Variants in ESRRG observed in about 807,000 individuals in gnomAD.
The protein encoded by ESRRG is estrogen-related receptor gamma.
In ESRRG, 13 loss-of-function variants were observed where a neutral mutation model predicts 44.0. The observed-to-expected ratio is 0.30, with a 90% CI of 0.19 to 0.47. The LOEUF (loss-of-function observed/expected upper bound fraction) is 0.47, where lower values mean the gene tolerates loss of function less well. Ranked by LOEUF, ESRRG falls within the 20% of genes least tolerant of loss-of-function variation. The probability of loss-of-function intolerance (pLI) is 1.00; values close to 1 mark genes in which losing one functional copy is unlikely to be tolerated. For missense variants in ESRRG, 395 were observed against 580.6 expected (o/e 0.68, Z 3.29); for synonymous variants, 215 against 214.6 (o/e 1.00, Z -0.02).
chr1:216,583,149 C>T (rs1284658246), intron 3 of ESRRG, among the ~76,000 whole-genome samples: 3 of 152,164 alleles, frequency 2.0e-5, no homozygotes, highest in Non-Finnish European at 2.9e-5. Flanking sequence ...TGCCAAATAG[C>T]ACATTACATA....
At chr1:216,650,561 A>G (rs2068689483) in intron 3 of ESRRG, among the ~76,000 whole-genome samples, 1 of 152,202 alleles carries the variant, frequency 6.6e-6, no homozygotes, top group African/African-American at 2.4e-5. Flanking sequence ...TCTAAAAGAT[A>G]AGGTTGGGAA....
At chr1:216,932,339 T>A (rs1578304638) in intron 2 of ESRRG, among the ~76,000 whole-genome samples, 1 of 152,006 alleles carries the variant, frequency 6.6e-6, no homozygotes, top group East Asian at 1.9e-4. Context: ...GAAAAAAAAA[T>A]TGGCAAGGCA....
intron 2 of ESRRG, among the ~76,000 whole-genome samples, chr1:216,909,004 T>C (rs890677482): frequency 2.0e-5 from 3 of 152,006 alleles, no homozygotes; most frequent in Non-Finnish European, 4.4e-5. Context: ...TTGCTACTGG[T>C]CATTTCAGGC....
chr1:216,543,814 A>C (rs569415704), intron 5 of ESRRG, among the ~76,000 whole-genome samples: 1 of 152,182 alleles, frequency 6.6e-6, no homozygotes, highest in East Asian at 1.9e-4. Flanking sequence ...TTTAAGAGAT[A>C]GTTCAGTTAA....
chr1:216,823,110 T>A (rs536765082), intron 2 of ESRRG, among the ~76,000 whole-genome samples: 25 of 151,930 alleles, frequency 1.6e-4, no homozygotes, highest in African/African-American at 5.8e-4. Flanking sequence ...GATGAGAACC[T>A]TCGACTAACA....
At chr1:217,055,822 C>T (rs927310005) in intron 1 of ESRRG, among the ~76,000 whole-genome samples, 5 of 152,182 alleles carry the variant, frequency 3.3e-5, no homozygotes, top group Non-Finnish European at 5.9e-5. Flanking sequence ...CATCCACTGT[C>T]CTCTTCCCCA....
intron 3 of ESRRG, among the ~76,000 whole-genome samples, chr1:216,630,416 T>C (rs1445483771): frequency 6.7e-6 from 1 of 150,018 alleles, no homozygotes; most frequent in East Asian, 2.0e-4. Flanking sequence ...TTAGTAAGAC[T>C]AACACATGTG....
chr1:216,996,472 G>A (rs2076392363), intron 1 of ESRRG, among the ~76,000 whole-genome samples: 1 of 151,848 alleles, frequency 6.6e-6, no homozygotes, highest in Admixed American at 6.6e-5. Flanking sequence ...GCAAAAAGAA[G>A]GAAAGGGAGA....
chr1:217,119,665 G>C (rs1322987015), intron 1 of ESRRG, among the ~76,000 whole-genome samples: 9 of 152,170 alleles, frequency 5.9e-5, no homozygotes, highest in African/African-American at 1.7e-4. Flanking sequence ...ACTTAGGAGA[G>C]AACATCCTTT....
intron 2 of ESRRG, among the ~76,000 whole-genome samples, chr1:216,934,106 T>A (rs2063748491): frequency 6.6e-6 from 1 of 152,226 alleles, no homozygotes; most frequent in African/African-American, 2.4e-5. Context: ...TTAGATGATA[T>A]TTGTGTATTA....
chr1:216,657,271 A>G (rs1449593512), intron 2 of ESRRG, among the ~76,000 whole-genome samples: 4 of 152,194 alleles, frequency 2.6e-5, no homozygotes, highest in Non-Finnish European at 5.9e-5. Flanking sequence ...AATTACATCA[A>G]TGCACATGTA....
chr1:216,972,669 A>G (rs559391437), intron 1 of ESRRG, among the ~76,000 whole-genome samples: 1 of 152,314 alleles, frequency 6.6e-6, no homozygotes, highest in East Asian at 1.9e-4. Flanking sequence ...CTGTAGAAAC[A>G]CAAGTTTAAG....
At chr1:217,028,061 T>C (rs1419379543) in intron 1 of ESRRG, among the ~76,000 whole-genome samples, 1 of 152,116 alleles carries the variant, frequency 6.6e-6, no homozygotes, top group Non-Finnish European at 1.5e-5. Flanking sequence ...GCGCACAGAT[T>C]TGGCCTTGCA....
At chr1:216,754,964 G>T (rs2092354669) in intron 2 of ESRRG, among the ~76,000 whole-genome samples, 1 of 151,772 alleles carries the variant, frequency 6.6e-6, no homozygotes, top group Non-Finnish European at 1.5e-5. Context: ...ATGTAACTAG[G>T]CCTTCTTAAA....
intron 2 of ESRRG, among the ~76,000 whole-genome samples, chr1:216,754,321 A>G (rs929476882): frequency 6.6e-6 from 1 of 152,056 alleles, no homozygotes; most frequent in Non-Finnish European, 1.5e-5. Context: ...CTGTCTCAGG[A>G]TTAACTTTTA....
At chr1:216,575,998 A>AG (rs2061620331) in intron 3 of ESRRG, among the ~76,000 whole-genome samples, 1 of 152,082 alleles carries the variant, frequency 6.6e-6, no homozygotes, top group Non-Finnish European at 1.5e-5. Flanking sequence ...AAGTGATAAA[A>AG]AGATTCCATT....
rs11800330 is a variant in ESRRG, at chr1:216,876,895, G to C, written c.-14+62687C>G. On this transcript the variant is annotated intron_variant, in intron 2 of 7. Transcript: ENST00000359162. ...CTTCTTGAACAAAAACAAATGCATAGTGTCAAAGATGAAGGAAAGTACTTT... is the reference window on the plus strand; with the variant it reads ...CTTCTTGAACAAAAACAAATGCATACTGTCAAAGATGAAGGAAAGTACTTT... Among the ~76,000 whole-genome samples, 1,388 of 152,024 alleles carry C rather than the reference G, an allele frequency of 9.1e-3. 20 individuals carry two copies. The highest frequency in any genetic ancestry group is 0.032 in the African/African-American group (1,336 of 41,444).
chr1:217,113,471 G>A (rs771630210), intron 1 of ESRRG, among the ~76,000 whole-genome samples: 4 of 152,108 alleles, frequency 2.6e-5, no homozygotes, highest in Non-Finnish European at 4.4e-5. Flanking sequence ...TTCAGATTAA[G>A]AGAAATCATT....
At chr1:216,910,181 T>C (rs2060147912) in intron 2 of ESRRG, among the ~76,000 whole-genome samples, 1 of 151,956 alleles carries the variant, frequency 6.6e-6, no homozygotes, top group African/African-American at 2.4e-5. Flanking sequence ...TCCATTATAT[T>C]ATTGCATGAA....
Sources: allele counts gnomAD v4.1 joint callset (sites outside exome capture counted in the v4.1 genomes callset), GRCh38; gene constraint gnomAD v4.1.1; transcripts MANE v1.5; gene names NCBI Gene and HGNC (gene_info 2026-07-23, HGNC 2026-07-21).